Variants in DCLK1 observed in about 807,000 individuals in gnomAD.
DCLK1 encodes serine/threonine-protein kinase DCLK1.
In DCLK1, 16 loss-of-function variants were observed where a neutral mutation model predicts 86.2. The observed-to-expected ratio is 0.19, with a 90% CI of 0.13 to 0.28. DCLK1 has a LOEUF of 0.28. Among genes scored for constraint, DCLK1 ranks in the 10% least tolerant of loss-of-function variants. The pLI, the probability that DCLK1 is intolerant of heterozygous loss-of-function variation, is 1.00. For synonymous variants in DCLK1, 369 were observed against 370.5 expected (o/e 1.00, Z 0.05); for missense variants, 590 against 940.2 (o/e 0.63, Z 4.87).
intron 1 of DCLK1, among the ~76,000 whole-genome samples, chr13:36,128,335 G>T (rs1886258614): frequency 6.6e-6 from 1 of 152,072 alleles, no homozygotes; most frequent in Non-Finnish European, 1.5e-5. Context: ...ATTTATCCAG[G>T]GTCCCAAAAT....
chr13:35,836,023 T>C lies in DCLK1; in HGVS notation c.1229+10A>G. On this transcript the variant is annotated intron_variant, in intron 8 of 16. Coordinates refer to ENST00000360631, the MANE Select transcript of DCLK1 (RefSeq NM_001330071.2). ...CCTTTAAGGTTTGATGCAAATGATA[T>C]CCTTCTCACCTTTCTACACATTCCT... 1 of 1,573,008 alleles carries C rather than the reference T, an allele frequency of 6.4e-7. No individual in the cohort carries two copies. Among genetic ancestry groups the C allele is most frequent in the South Asian group, 1.1e-5 (1 of 87,964 alleles).
intron 5 of DCLK1, among the ~76,000 whole-genome samples, chr13:35,867,917 G>GAAAGAAAGAA (rs1566576923): frequency 8.5e-6 from 1 of 117,612 alleles, no homozygotes; most frequent in Admixed American, 8.3e-5. Context: ...GAAAAAGAAA[G>GAAAGAAAGAA]AAAGAAAGAA....
intron 3 of DCLK1, among the ~76,000 whole-genome samples, chr13:36,017,778 A>G (rs958666074): frequency 3.3e-5 from 5 of 152,134 alleles, no homozygotes; most frequent in Admixed American, 2.6e-4. Flanking sequence ...AAGCAGCCGC[A>G]TTTTATTTCT....
chr13:36,086,127 T>C (rs181512696), intron 3 of DCLK1, among the ~76,000 whole-genome samples: 61 of 152,304 alleles, frequency 4.0e-4, no homozygotes, highest in African/African-American at 1.4e-3. Context: ...TCTCATTTTC[T>C]TCCTTCCCCC....
intron 3 of DCLK1, among the ~76,000 whole-genome samples, chr13:36,085,417 C>CAGAA (rs1884557285): frequency 6.6e-6 from 1 of 151,936 alleles, no homozygotes. Flanking sequence ...ATGAAAAAAG[C>CAGAA]TATACTGCAC....
At chr13:36,051,744 A>G (rs1883130747) in intron 3 of DCLK1, among the ~76,000 whole-genome samples, 1 of 152,172 alleles carries the variant, frequency 6.6e-6, no homozygotes, top group Non-Finnish European at 1.5e-5. Flanking sequence ...AAAGTTGAGA[A>G]TGAACACTAA....
intron 15 of DCLK1, among the ~76,000 whole-genome samples, chr13:35,799,649 G>T (rs997873246): frequency 4.6e-5 from 7 of 151,998 alleles, no homozygotes; most frequent in African/African-American, 1.2e-4. Context: ...GAATAACTCG[G>T]GATAAGGTAG....
intron 3 of DCLK1, among the ~76,000 whole-genome samples, chr13:36,002,571 T>C (rs893492310): frequency 2.6e-5 from 4 of 152,082 alleles, no homozygotes; most frequent in African/African-American, 9.7e-5. Flanking sequence ...AATAAGAAAA[T>C]TGAAGTATAG....
chr13:35,992,694 G>A (rs564955889), intron 3 of DCLK1, among the ~76,000 whole-genome samples: 9 of 152,224 alleles, frequency 5.9e-5, no homozygotes, highest in Non-Finnish European at 2.9e-5. Flanking sequence ...ATTTGCCTAG[G>A]AAAGTCCCAG....
At chr13:36,079,208 T>C (rs1194704144) in intron 3 of DCLK1, among the ~76,000 whole-genome samples, 1 of 152,126 alleles carries the variant, frequency 6.6e-6, no homozygotes, top group African/African-American at 2.4e-5. Flanking sequence ...CATGTGCAAA[T>C]GGAGGCTGAT....
intron 3 of DCLK1, among the ~76,000 whole-genome samples, chr13:36,054,755 A>G (rs1883242609): frequency 6.6e-6 from 1 of 152,188 alleles, no homozygotes; most frequent in African/African-American, 2.4e-5. Context: ...AGAGATAAGG[A>G]AACAGAAGCT....
chr13:36,045,084 CT>C (rs1186371527), intron 3 of DCLK1, among the ~76,000 whole-genome samples: 2 of 150,922 alleles, frequency 1.3e-5, no homozygotes, highest in Admixed American at 6.6e-5. Flanking sequence ...GGATTCATGA[CT>C]TTTTTCAAAA....
At chr13:35,948,006 T>C (rs545685192) in intron 3 of DCLK1, among the ~76,000 whole-genome samples, 102 of 152,298 alleles carry the variant, frequency 6.7e-4, no homozygotes, top group Middle Eastern at 3.4e-3. Flanking sequence ...TTAGAGAGAT[T>C]ATGGTAAGTG....
intron 8 of DCLK1, among the ~76,000 whole-genome samples, chr13:35,832,087 G>A (rs1869007952): frequency 6.6e-6 from 1 of 152,122 alleles, no homozygotes; most frequent in South Asian, 2.1e-4. Context: ...GAGATCAAGA[G>A]TTTGAGACCA....
intron 3 of DCLK1, among the ~76,000 whole-genome samples, chr13:36,089,680 T>C (rs1229351286): frequency 6.6e-6 from 1 of 152,224 alleles, no homozygotes; most frequent in Non-Finnish European, 1.5e-5. Flanking sequence ...CCAACTTCCT[T>C]TTATGTTTCT....
chr13:36,084,148 A>C lies in DCLK1; in HGVS notation c.723+27721T>G, dbSNP rs149352137. ...GTCAAATAATTCCTGAGGCATTCAA[A>C]AACATGCAGAAATGTCAGTAAACAT... On this transcript the variant is annotated intron_variant, in intron 3 of 16. Coordinates refer to ENST00000360631, the MANE Select transcript of DCLK1 (RefSeq NM_001330071.2). Among the ~76,000 whole-genome samples the C allele has an allele frequency of 2.4e-4, 37 of 152,328 alleles. No individual in the cohort carries two copies. The East Asian group carries it at 6.9e-3, about 29-fold the overall frequency.
chr13:35,995,774 G>A (rs933546801), intron 3 of DCLK1, among the ~76,000 whole-genome samples: 5 of 152,110 alleles, frequency 3.3e-5, no homozygotes, highest in East Asian at 1.9e-4. Flanking sequence ...GAGATCACAC[G>A]TTTTTACCAT....
chr13:35,977,465 A>T, intron 3 of DCLK1, among the ~76,000 whole-genome samples: 1 of 152,224 alleles, frequency 6.6e-6, no homozygotes, highest in East Asian at 1.9e-4. Context: ...AATGACTATC[A>T]CGAAGCCCTT....
intron 10 of DCLK1, among the ~76,000 whole-genome samples, chr13:35,825,075 T>A (rs2087488056): frequency 6.6e-6 from 1 of 152,160 alleles, no homozygotes; most frequent in African/African-American, 2.4e-5. Flanking sequence ...AAGGCTAAAG[T>A]CCTGTGCCTG....
Sources: gnomAD v4.1 joint callset for allele counts (sites outside exome capture counted in the v4.1 genomes callset) on GRCh38, gnomAD v4.1.1 for gene constraint, MANE v1.5 for transcripts, NCBI Gene and HGNC (gene_info 2026-07-23, HGNC 2026-07-21) for gene names.